The following CNKSR3 variants were observed in gnomAD, a reference collection of about 807,000 sequenced individuals.
CNKSR3 encodes CNKSR family member 3.
In CNKSR3, 36 loss-of-function variants were observed where a neutral mutation model predicts 67.7. That is an observed-to-expected ratio of 0.53 (90% CI 0.41 to 0.70). CNKSR3 has a LOEUF of 0.70. Ranked by LOEUF, CNKSR3 falls within the 30% of genes least tolerant of loss-of-function variation. The probability of loss-of-function intolerance (pLI) is 0.00; values close to 1 mark genes in which losing one functional copy is unlikely to be tolerated. For missense variants in CNKSR3, 630 were observed against 695.2 expected (o/e 0.91, Z 1.05); for synonymous variants, 281 against 271.4 (o/e 1.04, Z -0.35).
intron 1 of CNKSR3, among the ~76,000 whole-genome samples, chr6:154,476,037 T>C (rs1024729583): frequency 5.3e-5 from 8 of 151,872 alleles, no homozygotes; most frequent in South Asian, 2.1e-4. Context: ...TTTTTTTTTT[T>C]CGGATATGGA....
chr6:154,417,372 T>A (rs1785045043), intron 9 of CNKSR3, among the ~76,000 whole-genome samples: 2 of 152,206 alleles, frequency 1.3e-5, no homozygotes, highest in Admixed American at 1.3e-4. Flanking sequence ...GAGGCCACAT[T>A]CATAACCACT....
intron 10 of CNKSR3, among the ~76,000 whole-genome samples, chr6:154,411,633 C>CAAAA (rs57943019): frequency 8.0e-4 from 83 of 103,224 alleles, no homozygotes; most frequent in East Asian, 1.1e-3. Flanking sequence ...GACTCCATCT[C>CAAAA]AAAAAAAAAA....
chr6:154,438,925 G>C (rs958051672), intron 4 of CNKSR3, among the ~76,000 whole-genome samples: 1 of 152,170 alleles, frequency 6.6e-6, no homozygotes, highest in Non-Finnish European at 1.5e-5. Flanking sequence ...ATGTGACCAG[G>C]ACATGTACCT....
chr6:154,448,525 C>A (rs868322017), intron 2 of CNKSR3, among the ~76,000 whole-genome samples: 10 of 151,318 alleles, frequency 6.6e-5, no homozygotes, highest in Middle Eastern at 6.9e-3. Flanking sequence ...TACACAGCCA[C>A]ATCTAAGGTG....
chr6:154,425,212 G>A (rs1366155702), intron 7 of CNKSR3, among the ~76,000 whole-genome samples: 1 of 152,126 alleles, frequency 6.6e-6, no homozygotes, highest in Non-Finnish European at 1.5e-5. Flanking sequence ...TAATCTTCCT[G>A]GGCAAAGGAT....
chr6:154,441,177 C>T (rs570344357), intron 4 of CNKSR3, 115 bp downstream of exon 4: 1 of 641,372 alleles, frequency 1.6e-6, no homozygotes, highest in Non-Finnish European at 2.6e-6. Context: ...GGAAAAAAAA[C>T]TGAGGTGGGG....
rs1166625960 is a variant in CNKSR3, at chr6:154,450,252, T to C, written c.59A>G (p.Asp20Gly). ...KQVVDWTRGL[D>G]DCLQQYVHKF... Reference sequence around the variant, plus strand: ...GTGGACATATTGTTGCAGGCAGTCATCCAACCCTGCCAAAAACAATCAGAA... The same window carrying C: ...GTGGACATATTGTTGCAGGCAGTCACCCAACCCTGCCAAAAACAATCAGAA... Residue 20 changes from aspartate (D) to glycine (G), a missense_variant, in exon 2 of 13, where the codon GAT becomes GGT. Transcript: ENST00000607772. 1.9e-6 allele frequency: 3 copies of C among 1,613,652 alleles called. No individual in the cohort carries two copies. The African/African-American group carries it at 4.0e-5, about 22-fold the overall frequency.
chr6:154,465,439 T>C (rs186592045), intron 1 of CNKSR3, among the ~76,000 whole-genome samples: 4 of 152,180 alleles, frequency 2.6e-5, no homozygotes, highest in Admixed American at 6.5e-5. Context: ...ACTTAATATA[T>C]ATATATATAA....
At position 154,496,901 on chromosome 6, in the gene CNKSR3, C is replaced by T. The variant is rs536321886; in HGVS notation, c.52+13162G>A. Among the ~76,000 whole-genome samples the T allele has an allele frequency of 3.9e-4, 59 of 152,286 alleles. 1 individual carries two copies. Among genetic ancestry groups the T allele is most frequent in the Non-Finnish European group, 6.3e-4 (43 of 68,022 alleles). ...CCCACCTAAGTGCCTCTAGGGGAGACGTCAGGCTCTAATGCCTCTTGATTC... is the reference window on the plus strand; with the variant it reads ...CCCACCTAAGTGCCTCTAGGGGAGATGTCAGGCTCTAATGCCTCTTGATTC... On this transcript the variant is annotated intron_variant, in intron 1 of 12. Coordinates refer to ENST00000607772, the MANE Select transcript of CNKSR3 (RefSeq NM_173515.4).
chr6:154,421,390 G>GTC (rs1362883761), intron 9 of CNKSR3, among the ~76,000 whole-genome samples: 3 of 152,190 alleles, frequency 2.0e-5, no homozygotes, highest in Admixed American at 2.0e-4. Flanking sequence ...AAGTTTCAAA[G>GTC]TTGATGGTTT....
At chr6:154,433,021 G>A (rs760938060) in intron 5 of CNKSR3, among the ~76,000 whole-genome samples, 4 of 152,172 alleles carry the variant, frequency 2.6e-5, no homozygotes, top group South Asian at 2.1e-4. Context: ...ACAGGCTGGC[G>A]TATGTCAAAA....
At chr6:154,478,044 T>C (rs1271989831) in intron 1 of CNKSR3, among the ~76,000 whole-genome samples, 1 of 152,056 alleles carries the variant, frequency 6.6e-6, no homozygotes, top group African/African-American at 2.4e-5. Flanking sequence ...CGGTAAGTGC[T>C]TGGAAGAAGG....
intron 1 of CNKSR3, among the ~76,000 whole-genome samples, chr6:154,467,628 T>A (rs892441927): frequency 6.6e-6 from 1 of 152,260 alleles, no homozygotes; most frequent in Non-Finnish European, 1.5e-5. Context: ...CACATTAGAA[T>A]GACAGTCTTC....
At chr6:154,436,912 G>A (rs1374128714) in intron 4 of CNKSR3, among the ~76,000 whole-genome samples, 1 of 152,146 alleles carries the variant, frequency 6.6e-6, no homozygotes. Context: ...AAAGAAATGT[G>A]CAGTTTCCTT....
intron 1 of CNKSR3, among the ~76,000 whole-genome samples, chr6:154,451,535 A>C (rs1233918918): frequency 1.4e-5 from 1 of 71,838 alleles, no homozygotes; most frequent in African/African-American, 6.2e-5. Context: ...GCACACACGC[A>C]CACGCACAGA....
intron 1 of CNKSR3, among the ~76,000 whole-genome samples, chr6:154,472,896 A>G (rs2114629265): frequency 6.6e-6 from 1 of 152,090 alleles, no homozygotes; most frequent in South Asian, 2.1e-4. Flanking sequence ...ACTACAACCC[A>G]GGCTATCCCA....
At chr6:154,441,400 T>G (rs2128717561) in intron 3 of CNKSR3, 21 bp from the exon 4 acceptor site, 2 of 1,583,764 alleles carry the variant, frequency 1.3e-6, no homozygotes, top group East Asian at 4.5e-5. Context: ...GCAACAATCC[T>G]CTTAAAAAGG....
At chr6:154,451,478 C>A (rs544210084) in intron 1 of CNKSR3, among the ~76,000 whole-genome samples, 1 of 73,732 alleles carries the variant, frequency 1.4e-5, no homozygotes, top group African/African-American at 6.2e-5. Flanking sequence ...AACGCGCACA[C>A]ACACACACGC....
At chr6:154,488,142 T>C (rs1786716155) in intron 1 of CNKSR3, among the ~76,000 whole-genome samples, 1 of 152,020 alleles carries the variant, frequency 6.6e-6, no homozygotes, top group Admixed American at 6.5e-5. Flanking sequence ...AAAAGTAAGG[T>C]AGTCTTATAA....
Sources: allele counts gnomAD v4.1 joint callset (sites outside exome capture counted in the v4.1 genomes callset), GRCh38; gene constraint gnomAD v4.1.1; transcripts MANE v1.5; gene names NCBI Gene and HGNC (gene_info 2026-07-23, HGNC 2026-07-21).